HMGN5: variants seen among roughly 807,000 people sequenced by gnomAD.
HMGN5 encodes high mobility group nucleosome-binding domain-containing protein 5.
HMGN5 carries 4 observed loss-of-function variants against 9.5 expected under a neutral mutation model. The ratio of observed to expected loss-of-function variants is 0.42; its 90% CI spans 0.21 to 0.96. The LOEUF is 0.96. HMGN5 is among the 40% of genes least tolerant of loss of function. The probability of loss-of-function intolerance (pLI) is 0.30; values close to 1 mark genes in which losing one functional copy is unlikely to be tolerated. For missense variants in HMGN5, 192 were observed against 187.5 expected, an observed-to-expected ratio of 1.02 and a Z score of -0.14; for synonymous variants, 55 against 57.1, an observed-to-expected ratio of 0.96 and a Z score of 0.16.
chrX:81,155,450 A>C (rs2075380555), intron 1 of HMGN5, among the ~76,000 whole-genome samples: 1 of 109,596 alleles, frequency 9.1e-6, no homozygotes, highest in African/African-American at 3.3e-5. Flanking sequence ...TCACACATAA[A>C]GCTGTACAGG....
intron 1 of HMGN5, among the ~76,000 whole-genome samples, chrX:81,164,032 C>T (rs1394562162): frequency 9.0e-6 from 1 of 111,521 alleles, no homozygotes; most frequent in Non-Finnish European, 1.9e-5. Context: ...TGGGTTGGAA[C>T]AGAAATGTCA....
chrX:81,143,600 G>A (rs779313179), intron 1 of HMGN5, among the ~76,000 whole-genome samples: 1 of 112,276 alleles, frequency 8.9e-6, no homozygotes, highest in Non-Finnish European at 1.9e-5. Context: ...GCCAAAGGGA[G>A]CTGTGAGAGA....
At chrX:81,176,200 A>G (rs1469620354) in intron 1 of HMGN5, among the ~76,000 whole-genome samples, 1 of 112,097 alleles carries the variant, frequency 8.9e-6, no homozygotes, top group Non-Finnish European at 1.9e-5. Flanking sequence ...CCTGACTGTT[A>G]GAAGGAAAGC....
chrX:81,114,842 T>A lies in HMGN5; in HGVS notation c.656A>T (p.Asp219Val). ...TTTTACATCTTTCCCCTCTTTTTTA[T>A]CTCCCTTCTCTTTTCCATCTTCATT... ...KENEDGKEKG[D>V]KKEGKDVKVK... The change falls in exon 7 of 7, where the codon GAT (aspartate) becomes GTT (valine). Residue 219 changes from aspartate (D) to valine (V), a missense_variant. By Grantham distance (152) the Asp-to-Val change is radical. Transcript: ENST00000358130. 8.6e-7 allele frequency: 1 copy of A among 1,161,289 alleles called. No individual in the cohort carries two copies.
intron 1 of HMGN5, among the ~76,000 whole-genome samples, chrX:81,188,263 A>ATATATTATTAT (rs2075483081): frequency 1.1e-5 from 1 of 86,975 alleles, no homozygotes; most frequent in East Asian, 3.9e-4. Context: ...TGTGCACAGA[A>ATATATTATTAT]TATTATTATT....
At chrX:81,132,745 A>G (rs1193001657) in intron 1 of HMGN5, among the ~76,000 whole-genome samples, 10 of 111,668 alleles carry the variant, frequency 9.0e-5, no homozygotes, top group African/African-American at 2.9e-4. Context: ...AAAAACCCTA[A>G]AAGACAACAT....
chrX:81,171,300 A>G (rs907089899), intron 1 of HMGN5, among the ~76,000 whole-genome samples: 5 of 111,949 alleles, frequency 4.5e-5, no homozygotes, highest in Admixed American at 1.9e-4. Flanking sequence ...AGTAAGAAGA[A>G]AAATGAATAG....
intron 1 of HMGN5, among the ~76,000 whole-genome samples, chrX:81,171,619 T>A (rs2147635653): frequency 8.9e-6 from 1 of 111,961 alleles, no homozygotes; most frequent in East Asian, 2.8e-4. Flanking sequence ...CATAGAAATA[T>A]CCGTGGTTTT....
At chrX:81,186,206 G>C (rs561094877) in intron 1 of HMGN5, among the ~76,000 whole-genome samples, 3 of 111,557 alleles carry the variant, frequency 2.7e-5, no homozygotes, top group Non-Finnish European at 3.8e-5. Flanking sequence ...TTCTTTATAT[G>C]TTTGGTGGAA....
At chrX:81,160,386 C>T (rs1277159737) in intron 1 of HMGN5, among the ~76,000 whole-genome samples, 1 of 110,225 alleles carries the variant, frequency 9.1e-6, no homozygotes, top group African/African-American at 3.3e-5. Context: ...TTTTATTTTA[C>T]TTTCAGTTCC....
chrX:81,181,264 TATTA>T (rs919006376), intron 1 of HMGN5, among the ~76,000 whole-genome samples: 3 of 111,670 alleles, frequency 2.7e-5, no homozygotes, highest in Non-Finnish European at 5.6e-5. Context: ...CCTTATTCAT[TATTA>T]ATTAAAATTT....
At chrX:81,199,728 C>T (rs1486635102) in intron 1 of HMGN5, among the ~76,000 whole-genome samples, 8 of 112,015 alleles carry the variant, frequency 7.1e-5, no homozygotes, top group Non-Finnish European at 1.5e-4. Flanking sequence ...AAAATTGACT[C>T]AAGATGGATT....
chrX:81,174,052 A>G (rs2075434410), intron 1 of HMGN5, among the ~76,000 whole-genome samples: 1 of 111,538 alleles, frequency 9.0e-6, no homozygotes, highest in Non-Finnish European at 1.9e-5. Flanking sequence ...AGTTAACAAA[A>G]GATATTAATA....
intron 1 of HMGN5, among the ~76,000 whole-genome samples, chrX:81,147,506 C>A (rs1414540389): frequency 9.0e-6 from 1 of 111,580 alleles, no homozygotes; most frequent in Non-Finnish European, 1.9e-5. Flanking sequence ...CTATTTATGA[C>A]AAACCCACAG....
At chrX:81,174,959 G>A (rs1417389689) in intron 1 of HMGN5, among the ~76,000 whole-genome samples, 1 of 111,169 alleles carries the variant, frequency 9.0e-6, no homozygotes, top group African/African-American at 3.3e-5. Flanking sequence ...TACAAGGTAG[G>A]GGGGAACAAC....
chrX:81,144,661 C>T (rs2075338461), intron 1 of HMGN5, among the ~76,000 whole-genome samples: 1 of 111,512 alleles, frequency 9.0e-6, no homozygotes, highest in East Asian at 2.8e-4. Flanking sequence ...GATGAATTGA[C>T]AGAAGCAGGC....
At chrX:81,159,127 G>A (rs1449083669) in intron 1 of HMGN5, among the ~76,000 whole-genome samples, 5 of 111,518 alleles carry the variant, frequency 4.5e-5, no homozygotes, top group Non-Finnish European at 9.4e-5. Flanking sequence ...GCAAACTAAC[G>A]CAGCAACAGA....
At chrX:81,178,033 C>A (rs1745063786) in intron 1 of HMGN5, among the ~76,000 whole-genome samples, 1 of 111,881 alleles carries the variant, frequency 8.9e-6, no homozygotes, top group Non-Finnish European at 1.9e-5. Flanking sequence ...AAACACACAA[C>A]ATACCAGAAT....
chrX:81,189,605 A>G (rs930284918), intron 1 of HMGN5, among the ~76,000 whole-genome samples: 1 of 112,304 alleles, frequency 8.9e-6, no homozygotes, highest in East Asian at 2.8e-4. Flanking sequence ...TTTTGGATGT[A>G]CCACAGTTAA....
Sources: allele counts gnomAD v4.1 joint callset (sites outside exome capture counted in the v4.1 genomes callset), GRCh38; gene constraint gnomAD v4.1.1; transcripts MANE v1.5; gene names NCBI Gene and HGNC (gene_info 2026-07-23, HGNC 2026-07-21).